The following NECTIN2 variants were observed in gnomAD, a reference collection of about 807,000 sequenced individuals.
The protein encoded by NECTIN2 is nectin cell adhesion molecule 2.
A neutral mutation model predicts 56.9 loss-of-function variants in NECTIN2; 23 were observed. That is an observed-to-expected ratio of 0.40 (90% CI 0.29 to 0.57). The LOEUF is 0.57. NECTIN2 is among the 20% of genes least tolerant of loss of function. The pLI is 0.38. For synonymous variants in NECTIN2, 302 were observed against 313.8 expected (o/e 0.96, Z 0.40); for missense variants, 587 against 718.3 (o/e 0.82, Z 2.09).
chr19:44,888,179 AGC>A lies in NECTIN2; in HGVS notation c.1418_1419del (p.Ser473ThrfsTer24). The A allele has an allele frequency of 6.2e-7, 1 of 1,614,168 alleles. No individual in the cohort carries two copies. ...RSGPLHPGATSLGSPIPVPPG... is the reference protein window; with the variant it reads ...RSGPLHPGATXLGSPIPVPPG... ...AGGACCCTTGCACCCTGGAGCCACAAGCCTGGGGTCCCCCATCCCGGTGCCTC... is the reference window on the plus strand; with the variant it reads ...AGGACCCTTGCACCCTGGAGCCACAACTGGGGTCCCCCATCCCGGTGCCTC... On this transcript the variant is annotated frameshift_variant, in exon 9 of 9. Coordinates refer to ENST00000252483, the MANE Select transcript of NECTIN2 (RefSeq NM_001042724.2). LOFTEE classifies it high-confidence loss of function.
At position 44,880,475 on chromosome 19, in the gene NECTIN2, C is replaced by CTT. The variant is rs4013742; in HGVS notation, c.1043-1707_1043-1706dup. Among the ~76,000 whole-genome samples, 225 of 68,880 alleles carry CTT rather than the reference C, an allele frequency of 3.3e-3. 67 individuals carry two copies. Among genetic ancestry groups the CTT allele is most frequent in the Non-Finnish European group, 4.5e-3 (170 of 37,500 alleles). The allele number at this position is 68,880 out of a possible 152,430, so 45.2% of individuals were successfully genotyped here. A position where few individuals can be genotyped will look rare whatever the true frequency, so the allele number is the denominator to read the frequency against. On this transcript the variant is annotated intron_variant, in intron 5 of 8. Transcript: ENST00000252483. ...TTCTCGACCCCTTTTCCTGTCTTGC[C>CTT]TTTTTTTTTTTTTTTTTTTTTTTTT...
intron 6 of NECTIN2, among the ~76,000 whole-genome samples, chr19:44,883,710 C>T (rs1476616099): frequency 6.6e-6 from 1 of 152,158 alleles, no homozygotes; most frequent in Non-Finnish European, 1.5e-5. Flanking sequence ...ACCTGTGGTC[C>T]AGCTCCTCAG....
chr19:44,858,836 T>G (rs1377266025), intron 1 of NECTIN2, among the ~76,000 whole-genome samples: 1 of 151,190 alleles, frequency 6.6e-6, no homozygotes, highest in Non-Finnish European at 1.5e-5. Context: ...AGAGATGGGG[T>G]TTTGCCATGT....
intron 1 of NECTIN2, among the ~76,000 whole-genome samples, chr19:44,858,397 G>A (rs1225367881): frequency 6.6e-6 from 1 of 152,038 alleles, no homozygotes; most frequent in East Asian, 1.9e-4. Context: ...CCATGTTGGA[G>A]TGCAGTGGCG....
At chr19:44,873,868 G>A (rs375960784) in intron 3 of NECTIN2, 48 bp from the exon 4 acceptor site, 13 of 1,434,732 alleles carry the variant, frequency 9.1e-6, no homozygotes, top group African/African-American at 2.8e-5. Context: ...TTGTCCACCC[G>A]CTCTGGGATT....
Position 44,888,287 on chromosome 19 carries a change from A to G in NECTIN2, c.1525A>G (p.Ile509Val). The G allele has an allele frequency of 1.2e-6, 2 of 1,614,012 alleles. No homozygotes were observed. The highest frequency in any genetic ancestry group is 1.7e-6 in the Non-Finnish European group (2 of 1,179,944). ...GEEEEEYLDK[I>V]NPIYDALSYS... is the part of the protein sequence containing the mutation. ...GGAGGAGGAAGAGTATCTGGACAAG[A>G]TCAACCCCATCTATGATGCTCTGTC... Residue 509 changes from isoleucine to valine, a missense_variant, in exon 9 of 9, where the codon ATC becomes GTC. Coordinates refer to ENST00000252483, the MANE Select transcript of NECTIN2 (RefSeq NM_001042724.2).
chr19:44,858,650 T>A (rs1207073123), intron 1 of NECTIN2, among the ~76,000 whole-genome samples: 1 of 150,938 alleles, frequency 6.6e-6, no homozygotes, highest in Non-Finnish European at 1.5e-5. Context: ...TTTCTTTTTG[T>A]TTCCCCTCCC....
chr19:44,882,696 A>G (rs1173332154), intron 6 of NECTIN2, among the ~76,000 whole-genome samples: 5 of 149,068 alleles, frequency 3.4e-5, no homozygotes, highest in Admixed American at 2.7e-4. Flanking sequence ...TCTACAAAAA[A>G]AAAAAAAAAA....
At position 44,846,578 on chromosome 19, in the gene NECTIN2, T is replaced by C. The variant is rs759358139; in HGVS notation, c.53T>C (p.Leu18Pro). 2.6e-6 allele frequency: 4 copies of C among 1,525,596 alleles called. No individual in the cohort carries two copies. The South Asian group carries it at 4.8e-5, about 18-fold the overall frequency. The allele number at this position is 1,525,596 out of a possible 1,614,324, so 94.5% of individuals were successfully genotyped here. A position where few individuals can be genotyped will look rare whatever the true frequency, so the allele number is the denominator to read the frequency against. Reference sequence around the variant, plus strand: ...TCGAGATCGCCGCCGACGCCGCTGCTGTGGCCGCTGCTGCTGCTGCTGCTC... The same window carrying C: ...TCGAGATCGCCGCCGACGCCGCTGCCGTGGCCGCTGCTGCTGCTGCTGCTC... ...LPSRSPPTPL[L>P]WPLLLLLLLE... Residue 18 changes from leucine (L) to proline (P), a missense_variant, in exon 1 of 9, where the codon CTG (leucine) becomes CCG (proline). By Grantham distance (98) the Leu-to-Pro change is moderately conservative. Coordinates refer to ENST00000252483, the MANE Select transcript of NECTIN2 (RefSeq NM_001042724.2).
At chr19:44,862,561 G>T (rs929362168) in intron 1 of NECTIN2, among the ~76,000 whole-genome samples, 4 of 151,750 alleles carry the variant, frequency 2.6e-5, no homozygotes, top group Non-Finnish European at 4.4e-5. Flanking sequence ...CACCAACACG[G>T]ATGGAACTGG....
At chr19:44,847,334 C>T (rs749951182) in intron 1 of NECTIN2, among the ~76,000 whole-genome samples, 4 of 152,112 alleles carry the variant, frequency 2.6e-5, no homozygotes, top group Non-Finnish European at 4.4e-5. Flanking sequence ...TAACTGGGAT[C>T]TAGGTAAAAC....
In NECTIN2 at chr19:44,874,579, A is replaced by C; in HGVS notation, c.1042+101A>C. The C allele has an allele frequency of 6.9e-7, 1 of 1,452,238 alleles. No homozygotes were observed. Among genetic ancestry groups the C allele is most frequent in the South Asian group, 1.2e-5 (1 of 82,178 alleles). 90.0% of individuals were successfully genotyped at this position (1,452,238 alleles called of 1,614,324 possible). A position where few individuals can be genotyped will look rare whatever the true frequency, so the allele number is the denominator to read the frequency against. ...TGCACTGGGGGAGGCTGCGCCGCCG[A>C]CCTGGGAGGGATGCAGACCTGCCTG... On this transcript the variant is annotated intron_variant, in intron 5 of 8. Transcript: ENST00000252483. This position sits in a 1 kb window ranked among gnomAD's most constrained non-coding sequence, Gnocchi z 6.3.
At chr19:44,859,948 A>G (rs934106993) in intron 1 of NECTIN2, among the ~76,000 whole-genome samples, 2 of 152,246 alleles carry the variant, frequency 1.3e-5, no homozygotes, top group Non-Finnish European at 2.9e-5. Flanking sequence ...AAAAGTTGAA[A>G]CAACCTCAAT....
In NECTIN2 at chr19:44,886,249, T is replaced by C. The variant is rs755468176; in HGVS notation, c.1347+30T>C. On this transcript the variant is annotated intron_variant, in intron 8 of 8. Coordinates refer to ENST00000252483, the MANE Select transcript of NECTIN2 (RefSeq NM_001042724.2). ...GAGCTCATGGGAAGACAAAGGTGGG[T>C]TGGGGGTCTGGGTTGAAGGGCCAGG... 6 of 1,580,178 alleles carry C rather than the reference T, an allele frequency of 3.8e-6. No individual in the cohort carries two copies. The African/African-American group carries it at 4.1e-5, about 11-fold the overall frequency.
chr19:44,875,834 G>C lies in NECTIN2; in HGVS notation c.1042+1356G>C, dbSNP rs1329137066. 6.6e-6 allele frequency among the ~76,000 whole-genome samples: 1 copy of C among 152,222 alleles called. No individual in the cohort carries two copies. Among genetic ancestry groups the C allele is most frequent in the African/African-American group, 2.4e-5 (1 of 41,448 alleles). ...TCAGGAATCCAGATACAGCCAGGGAGATAGGACACCCCTACGGGAAACACT... is the reference window on the plus strand; with the variant it reads ...TCAGGAATCCAGATACAGCCAGGGACATAGGACACCCCTACGGGAAACACT... On this transcript the variant is annotated intron_variant, in intron 5 of 8. Coordinates refer to ENST00000252483, the MANE Select transcript of NECTIN2 (RefSeq NM_001042724.2). The surrounding 1 kb of genome is among the most constrained non-coding windows in gnomAD (Gnocchi z 4.2).
chr19:44,886,069 G>A lies in NECTIN2; in HGVS notation c.1261-64G>A, dbSNP rs545398849. 9.5e-6 allele frequency: 15 copies of A among 1,570,774 alleles called. No individual in the cohort carries two copies. The South Asian group carries it at 1.7e-4, about 17-fold the overall frequency. On this transcript the variant is annotated intron_variant, in intron 7 of 8. Transcript: ENST00000252483. ...CCACCCCAGGGCTGGGAGGGGCCTG[G>A]CAGGGAGAAGCTGGCTGGGTGGTGG...
At chr19:44,859,605 C>T (rs1232974674) in intron 1 of NECTIN2, among the ~76,000 whole-genome samples, 2 of 152,178 alleles carry the variant, frequency 1.3e-5, no homozygotes, top group African/African-American at 4.8e-5. Context: ...GGGTGGATCA[C>T]CTGAGGTCAG....
chr19:44,885,307 CTTTTTTTT>C (rs34485333), intron 6 of NECTIN2, among the ~76,000 whole-genome samples: 1 of 112,946 alleles, frequency 8.9e-6, no homozygotes, highest in Admixed American at 9.4e-5. Context: ...ATCTTTCTTT[CTTTTTTTT>C]TTTTTTTTTT....
chr19:44,851,925 G>A (rs1968903834), intron 1 of NECTIN2, among the ~76,000 whole-genome samples: 1 of 151,834 alleles, frequency 6.6e-6, no homozygotes, highest in Non-Finnish European at 1.5e-5. Context: ...CTTTACCTCC[G>A]CAGCCCTGTC....
Sources: gnomAD v4.1 joint callset for allele counts (sites outside exome capture counted in the v4.1 genomes callset) on GRCh38, gnomAD v4.1.1 for gene constraint, Gnocchi (gnomAD v3.1) non-coding constraint, MANE v1.5 for transcripts, NCBI Gene and HGNC (gene_info 2026-07-23, HGNC 2026-07-21) for gene names.